Variants in EOGT observed in about 807,000 individuals in gnomAD.
The protein encoded by EOGT is EGF domain specific O-linked N-acetylglucosamine transferase.
A neutral mutation model predicts 70.5 loss-of-function variants in EOGT; 55 were observed. That is an observed-to-expected ratio of 0.78 (90% CI 0.63 to 0.98). The LOEUF is 0.98. Ranked by LOEUF, EOGT falls within the 50% of genes least tolerant of loss-of-function variation. The pLI is 0.00. For synonymous variants in EOGT, 246 were observed against 217.1 expected, an observed-to-expected ratio of 1.13 and a Z score of -1.17; for missense variants, 703 against 641.9, an observed-to-expected ratio of 1.10 and a Z score of -1.03.
intron 8 of EOGT, among the ~76,000 whole-genome samples, chr3:69,002,835 T>A (rs2091334684): frequency 6.6e-6 from 1 of 152,098 alleles, no homozygotes; most frequent in Admixed American, 6.5e-5. Context: ...ATTTTTATTT[T>A]TTATTTTTCT....
intron 10 of EOGT, among the ~76,000 whole-genome samples, chr3:68,991,186 A>G (rs2107248771): frequency 6.6e-6 from 1 of 152,342 alleles, no homozygotes; most frequent in African/African-American, 2.4e-5. Flanking sequence ...CTTCTTTTCC[A>G]TGTTTCCCAA....
At chr3:69,011,320 T>G (rs922387377) in intron 3 of EOGT, among the ~76,000 whole-genome samples, 3 of 151,340 alleles carry the variant, frequency 2.0e-5, no homozygotes, top group African/African-American at 7.3e-5. Flanking sequence ...CAGTCTTCAT[T>G]GATTATGGGC....
intron 14 of EOGT, among the ~76,000 whole-genome samples, chr3:68,983,093 G>C (rs538198601): frequency 6.6e-6 from 1 of 152,142 alleles, no homozygotes; most frequent in Non-Finnish European, 1.5e-5. Flanking sequence ...GTGAACACAC[G>C]ACTCTACCTC....
At chr3:69,009,933 C>CAACAAAAAAA in intron 3 of EOGT, 73 bp from the exon 4 acceptor site, 24 of 255,096 alleles carry the variant, frequency 9.4e-5, no homozygotes, top group South Asian at 2.8e-4. Flanking sequence ...ACAACAACAA[C>CAACAAAAAAA]AAAAAAAAAA....
intron 7 of EOGT, among the ~76,000 whole-genome samples, chr3:69,004,840 G>C (rs1208420802): frequency 6.6e-6 from 1 of 152,068 alleles, no homozygotes; most frequent in East Asian, 1.9e-4. Flanking sequence ...GAGGTGAGAG[G>C]ATCACCTGAA....
intron 9 of EOGT, among the ~76,000 whole-genome samples, chr3:68,999,344 A>G (rs1215491401): frequency 2.0e-5 from 3 of 152,192 alleles, no homozygotes; most frequent in Non-Finnish European, 4.4e-5. Context: ...AAAAAGAAAC[A>G]GAATGTGCAC....
At chr3:69,005,411 C>A (rs930055689) in intron 6 of EOGT, among the ~76,000 whole-genome samples, 177 bp from the exon 7 acceptor site, 22 of 152,110 alleles carry the variant, frequency 1.4e-4, no homozygotes, top group Non-Finnish European at 2.9e-4. Context: ...CCCAGCAGAC[C>A]CTGGCCAAGC....
chr3:68,998,028 T>C lies in EOGT; in HGVS notation c.814A>G (p.Ile272Val), dbSNP rs2091199228. Residue 272 changes from isoleucine to valine, a missense_variant, in exon 10 of 18, where the codon ATC becomes GTC. Physicochemically the swap from Ile to Val is conservative, Grantham distance 29. Coordinates refer to ENST00000383701, the MANE Select transcript of EOGT (RefSeq NM_001278689.2). ...TTACTTACGGTGTCCCACATCACGA[T>C]GTACACGTCAGTACTGAATGAGTTA... is the stretch of plus-strand genomic sequence containing the variant. ...VNNSFSTDVYIVMWDTSSYGY... is the reference protein window; with the variant it reads ...VNNSFSTDVYVVMWDTSSYGY... 7.0e-6 allele frequency: 11 copies of C among 1,563,226 alleles called. No individual in the cohort carries two copies. Among genetic ancestry groups the C allele is most frequent in the Non-Finnish European group, 7.0e-6 (8 of 1,150,752 alleles).
At chr3:69,006,931 C>T (rs1306667657) in intron 6 of EOGT, among the ~76,000 whole-genome samples, 2 of 152,210 alleles carry the variant, frequency 1.3e-5, no homozygotes, top group South Asian at 4.1e-4. Flanking sequence ...GATAAAGTGG[C>T]ATCAGTAGTA....
At chr3:69,007,933 C>T (rs1430190596) in intron 5 of EOGT, 112 bp from the exon 6 acceptor site, 6 of 688,410 alleles carry the variant, frequency 8.7e-6, no homozygotes, top group Admixed American at 3.2e-5. Flanking sequence ...AATTTTGTTA[C>T]AGTATATTAT....
At chr3:69,001,810 C>A (rs1459137120) in intron 8 of EOGT, 96 bp from the exon 9 acceptor site, 12 of 807,130 alleles carry the variant, frequency 1.5e-5, no homozygotes, top group Non-Finnish European at 2.5e-5. Context: ...GCAGATTTTA[C>A]CTCTAAATGG....
chr3:69,001,747 T>C (rs763819509), intron 8 of EOGT, 33 bp from the exon 9 acceptor site: 2 of 1,431,622 alleles, frequency 1.4e-6, no homozygotes, highest in South Asian at 1.2e-5. Context: ...GACTTCAAAC[T>C]GATTCTCCCA....
intron 16 of EOGT, 50 bp downstream of exon 16, chr3:68,979,618 T>C: frequency 6.3e-7 from 1 of 1,594,580 alleles, no homozygotes; most frequent in Non-Finnish European, 8.6e-7. Context: ...TTAGCATGCA[T>C]AAAAAGCATT....
At position 68,992,247 on chromosome 3, in the gene EOGT, C is replaced by T. The variant is rs375243491; in HGVS notation, c.832-3230G>A. ...CATCTGAGACAAGGCAAGTCCCTTC[C>T]ACCTATGAGTCTGTAAAAACAAAAG... On this transcript the variant is annotated intron_variant, in intron 10 of 17. Coordinates refer to ENST00000383701, the MANE Select transcript of EOGT (RefSeq NM_001278689.2). 8.5e-5 allele frequency among the ~76,000 whole-genome samples: 13 copies of T among 152,302 alleles called. No homozygotes were observed. In the South Asian group the frequency reaches 2.5e-3, roughly 29 times the overall value.
intron 10 of EOGT, among the ~76,000 whole-genome samples, chr3:68,993,686 C>T (rs1219995858): frequency 6.6e-6 from 1 of 152,140 alleles, no homozygotes. Flanking sequence ...CTGTATGAGT[C>T]CGTTTTCAGT....
chr3:69,009,542 G>A (rs1346025987), intron 4 of EOGT, 95 bp downstream of exon 4: 19 of 919,258 alleles, frequency 2.1e-5, no homozygotes, highest in Non-Finnish European at 3.0e-5. Context: ...CCGAAAATTA[G>A]AATTCTGCCT....
chr3:68,977,822 C>T (rs1171892039), intron 17 of EOGT, 58 bp from the exon 18 acceptor site: 3 of 1,524,840 alleles, frequency 2.0e-6, no homozygotes, highest in South Asian at 1.3e-5. Flanking sequence ...GTTTTCTCTA[C>T]AGCAGGAAAA....
At chr3:69,001,775 C>T (rs2107337885) in intron 8 of EOGT, 61 bp from the exon 9 acceptor site, 5 of 1,160,750 alleles carry the variant, frequency 4.3e-6, no homozygotes, top group Non-Finnish European at 6.4e-6. Context: ...TATTAGAACA[C>T]TGTAACTTAG....
chr3:69,013,378 G>A (rs1429806941), intron 1 of EOGT, among the ~76,000 whole-genome samples, 196 bp downstream of exon 1: 1 of 151,964 alleles, frequency 6.6e-6, no homozygotes, highest in East Asian at 1.9e-4. Flanking sequence ...GGGCCGGGGA[G>A]GGCCAGGATC....
Sources: allele counts gnomAD v4.1 joint callset (sites outside exome capture counted in the v4.1 genomes callset), GRCh38; gene constraint gnomAD v4.1.1; transcripts MANE v1.5; gene names NCBI Gene and HGNC (gene_info 2026-07-23, HGNC 2026-07-21).